Variants in SLC35E3 observed in about 807,000 individuals in gnomAD.
SLC35E3 encodes solute carrier family 35 member E3.
SLC35E3 carries 28 observed loss-of-function variants against 30.8 expected under a neutral mutation model. That is an observed-to-expected ratio of 0.91 (90% CI 0.67 to 1.25). The LOEUF is 1.25. Among genes scored for constraint, SLC35E3 ranks in the 50% most tolerant of loss-of-function variants. SLC35E3 has a pLI of 0.00. For synonymous variants in SLC35E3, 146 were observed against 149.2 expected (o/e 0.98, Z 0.16); for missense variants, 365 against 375.4 (o/e 0.97, Z 0.23).
At chr12:68,753,321 C>T (rs1878875652) in intron 3 of SLC35E3, among the ~76,000 whole-genome samples, 1 of 151,682 alleles carries the variant, frequency 6.6e-6, no homozygotes, top group Non-Finnish European at 1.5e-5. Context: ...GGCATGGTGG[C>T]ACATGCCTGC....
rs142759116 is a variant in SLC35E3 at position 68,775,386 on chromosome 12, G to C, written c.*10496G>C. 2 of 152,304 alleles carry C rather than the reference G, an allele frequency of 1.3e-5. No homozygotes were observed. The highest frequency in any genetic ancestry group is 2.9e-5 in the Non-Finnish European group (2 of 68,036). 9.4% of individuals were successfully genotyped at this position (152,304 alleles called of 1,614,324 possible). On this transcript the variant is annotated 3_prime_UTR_variant, in exon 5 of 5. Transcript: ENST00000398004. ...CAATAGTGGAGACTGAGAAGTCCAAGGTACAGGGTCCACATCTGGTGAGAG... is the reference window on the plus strand; with the variant it reads ...CAATAGTGGAGACTGAGAAGTCCAACGTACAGGGTCCACATCTGGTGAGAG...
rs1382200756 is a variant in SLC35E3, at chr12:68,766,047, T to C, written c.*1157T>C. 1.3e-5 allele frequency: 2 copies of C among 152,040 alleles called. No individual in the cohort carries two copies. The highest frequency in any genetic ancestry group is 2.9e-5 in the Non-Finnish European group (2 of 68,002). 9.4% of individuals were successfully genotyped at this position (152,040 alleles called of 1,614,324 possible). A position where few individuals can be genotyped will look rare whatever the true frequency, so the allele number is the denominator to read the frequency against. On this transcript the variant is annotated 3_prime_UTR_variant, in exon 5 of 5. Coordinates refer to ENST00000398004, the MANE Select transcript of SLC35E3 (RefSeq NM_018656.5). The stretch of plus-strand genomic sequence containing the variant: ...ATGAAATCTCATTTATAAAGTATAA[T>C]AAAGATGACTGTAAGACAAAATCCA...
intron 3 of SLC35E3, among the ~76,000 whole-genome samples, chr12:68,758,298 T>G (rs937083634): frequency 1.3e-5 from 2 of 151,904 alleles, no homozygotes; most frequent in Non-Finnish European, 1.5e-5. Flanking sequence ...CAGGCGCCTG[T>G]AGTCCCAGCT....
At chr12:68,756,818 T>C (rs779505227) in intron 3 of SLC35E3, among the ~76,000 whole-genome samples, 1 of 152,180 alleles carries the variant, frequency 6.6e-6, no homozygotes, top group Non-Finnish European at 1.5e-5. Context: ...GAGACCATCC[T>C]GGCTAACACG....
intron 4 of SLC35E3, among the ~76,000 whole-genome samples, chr12:68,764,327 C>T (rs549526820): frequency 5.3e-5 from 8 of 152,270 alleles, no homozygotes; most frequent in South Asian, 4.1e-4. Flanking sequence ...CTTGTTCTGT[C>T]GCCTGGACTA....
rs1033936473 is a variant in SLC35E3, at chr12:68,771,354, G to C, written c.*6464G>C. On this transcript the variant is annotated 3_prime_UTR_variant, in exon 5 of 5. Transcript: ENST00000398004. ...CAGGAAAATGTTTAGTTGAGGTGGA[G>C]ATAAAACAGGAGTTTCTGGGGTATG... 2.6e-5 allele frequency: 4 copies of C among 152,116 alleles called. No homozygotes were observed. The highest frequency in any genetic ancestry group is 2.6e-4 in the Admixed American group (4 of 15,252). 9.4% of individuals were successfully genotyped at this position (152,116 alleles called of 1,614,324 possible).
rs1461571913 is a variant in SLC35E3 at position 68,779,851 on chromosome 12, TGCCTGA to T, written c.*14965_*14970del. The stretch of plus-strand genomic sequence containing the variant: ...TACTTGGGAAGATGAGGCAGAGGAT[TGCCTGA>T]GCCCAGGAGTTTGAGGTTATAGTGA... On this transcript the variant is annotated 3_prime_UTR_variant, in exon 5 of 5. Coordinates refer to ENST00000398004, the MANE Select transcript of SLC35E3 (RefSeq NM_018656.5). The T allele has an allele frequency of 2.0e-5, 3 of 152,122 alleles. No homozygotes were observed. Among genetic ancestry groups the T allele is most frequent in the Non-Finnish European group, 4.4e-5 (3 of 68,030 alleles). The allele number at this position is 152,122 out of a possible 1,614,324, so 9.4% of individuals were successfully genotyped here. A position where few individuals can be genotyped will look rare whatever the true frequency, so the allele number is the denominator to read the frequency against.
chr12:68,758,795 G>A (rs2136075120), intron 3 of SLC35E3, among the ~76,000 whole-genome samples: 1 of 115,980 alleles, frequency 8.6e-6, no homozygotes, highest in South Asian at 3.1e-4. Flanking sequence ...AGGCTGGAGT[G>A]CAGTGGCGTG....
chr12:68,757,458 A>G (rs1424727339), intron 3 of SLC35E3, among the ~76,000 whole-genome samples: 1 of 152,222 alleles, frequency 6.6e-6, no homozygotes, highest in Admixed American at 6.5e-5. Flanking sequence ...GGATAAAATT[A>G]TGGGATAGAT....
At position 68,768,326 on chromosome 12, in the gene SLC35E3, A is replaced by C. The variant is rs1186468227; in HGVS notation, c.*3436A>C. ...AAAAAAAAGAAATTTTTAACCGTAA[A>C]TAGAACTTGGGGAGGGTGTTATATA... On this transcript the variant is annotated 3_prime_UTR_variant, in exon 5 of 5. Coordinates refer to ENST00000398004, the MANE Select transcript of SLC35E3 (RefSeq NM_018656.5). The C allele has an allele frequency of 6.6e-6, 1 of 152,140 alleles. No individual in the cohort carries two copies. The highest frequency in any genetic ancestry group is 1.5e-5 in the Non-Finnish European group (1 of 68,048). 9.4% of individuals were successfully genotyped at this position (152,140 alleles called of 1,614,324 possible).
chr12:68,749,742 T>TTG (rs1485814558), intron 2 of SLC35E3, among the ~76,000 whole-genome samples: 1 of 152,202 alleles, frequency 6.6e-6, no homozygotes, highest in East Asian at 1.9e-4. Context: ...GGTCTTTTCC[T>TTG]TGCAGTGTGT....
rs577358901 is a variant in SLC35E3 at position 68,768,708 on chromosome 12, G to A, written c.*3818G>A. ...GTATTGCATATGAGAGCTGATGGAA[G>A]AAGGATGGCATCTGTGTAACATATG... On this transcript the variant is annotated 3_prime_UTR_variant, in exon 5 of 5. Transcript: ENST00000398004. The A allele has an allele frequency of 6.6e-6, 1 of 152,326 alleles. No individual in the cohort carries two copies. Among genetic ancestry groups the A allele is most frequent in the Non-Finnish European group, 1.5e-5 (1 of 68,030 alleles). 9.4% of individuals were successfully genotyped at this position (152,326 alleles called of 1,614,324 possible).
Position 68,769,943 on chromosome 12 carries a change from A to G in SLC35E3, c.*5053A>G, listed in dbSNP as rs1879558227. On this transcript the variant is annotated 3_prime_UTR_variant, in exon 5 of 5. Coordinates refer to ENST00000398004, the MANE Select transcript of SLC35E3 (RefSeq NM_018656.5). ...GGACTAATTAAACAAAAACAAGACA[A>G]GAATAATTAAACAGCAAACTCAATG... The G allele has an allele frequency of 6.6e-6, 1 of 152,218 alleles. No homozygotes were observed. The highest frequency in any genetic ancestry group is 6.6e-5 in the Admixed American group (1 of 15,266). 9.4% of individuals were successfully genotyped at this position (152,218 alleles called of 1,614,324 possible). A position where few individuals can be genotyped will look rare whatever the true frequency, so the allele number is the denominator to read the frequency against.
In SLC35E3 at chr12:68,746,681, A is replaced by G. The variant is rs536026556; in HGVS notation, c.304A>G (p.Thr102Ala). The change falls in exon 1 of 5, where the codon ACC (threonine) becomes GCC (alanine). Residue 102 changes from threonine to alanine, a missense_variant. Physicochemically the swap from Thr to Ala is moderately conservative, Grantham distance 58. Transcript: ENST00000398004. ...TTCTCTGCAGAACAACACCATAGGC[A>G]CCTATCAGCTGGCCAAGGCCATGAC... is the stretch of plus-strand genomic sequence containing the variant. ...NLSLQNNTIG[T>A]YQLAKAMTTP... 3.1e-6 allele frequency: 5 copies of G among 1,614,132 alleles called. No individual in the cohort carries two copies. The South Asian group carries it at 3.3e-5, about 11-fold the overall frequency.
At chr12:68,756,484 C>T (rs1466501207) in intron 3 of SLC35E3, among the ~76,000 whole-genome samples, 2 of 149,974 alleles carry the variant, frequency 1.3e-5, no homozygotes, top group African/African-American at 2.5e-5. Context: ...ACCCTAATAC[C>T]AAAACCAGGA....
intron 1 of SLC35E3, 79 bp from the exon 2 acceptor site, chr12:68,747,851 G>A (rs758226468): frequency 5.4e-5 from 39 of 721,360 alleles, no homozygotes; most frequent in Middle Eastern, 7.4e-4. Flanking sequence ...CATTAGCCTT[G>A]TAAGACATTG....
In SLC35E3 at chr12:68,756,437, C is replaced by G. The variant is rs543436259; in HGVS notation, c.673-2720C>G. On this transcript the variant is annotated intron_variant, in intron 3 of 4. Transcript: ENST00000398004. ...CTCAAAGTAGAGGATTGTGTCAACT[C>G]AACTTTTTTTTTTTTTTTCCATATG... Among the ~76,000 whole-genome samples the G allele has an allele frequency of 6.5e-5, 3 of 46,248 alleles. No homozygotes were observed. In the Admixed American group the frequency reaches 1.1e-3, roughly 17 times the overall value. 30.3% of individuals were successfully genotyped at this position (46,248 alleles called of 152,430 possible). A position where few individuals can be genotyped will look rare whatever the true frequency, so the allele number is the denominator to read the frequency against.
At position 68,772,472 on chromosome 12, in the gene SLC35E3, G is replaced by A. The variant is rs1488268834; in HGVS notation, c.*7582G>A. On this transcript the variant is annotated 3_prime_UTR_variant, in exon 5 of 5. Coordinates refer to ENST00000398004, the MANE Select transcript of SLC35E3 (RefSeq NM_018656.5). ...TATATTAGAAGATAGGATTTCTTCT[G>A]ATGTATCGAAGTTACTTTATACTTC... 6.6e-6 allele frequency: 1 copy of A among 152,108 alleles called. No individual in the cohort carries two copies. Among genetic ancestry groups the A allele is most frequent in the Non-Finnish European group, 1.5e-5 (1 of 68,024 alleles). The allele number at this position is 152,108 out of a possible 1,614,324, so 9.4% of individuals were successfully genotyped here. A position where few individuals can be genotyped will look rare whatever the true frequency, so the allele number is the denominator to read the frequency against.
At chr12:68,763,977 T>C (rs1025711517) in intron 4 of SLC35E3, among the ~76,000 whole-genome samples, 1 of 152,180 alleles carries the variant, frequency 6.6e-6, no homozygotes. Context: ...GACGATTTCA[T>C]GTAAATCGCC....
Sources: gnomAD v4.1 joint callset for allele counts (sites outside exome capture counted in the v4.1 genomes callset) on GRCh38, gnomAD v4.1.1 for gene constraint, MANE v1.5 for transcripts, NCBI Gene and HGNC (gene_info 2026-07-23, HGNC 2026-07-21) for gene names.